OSBPL1A: variants seen among roughly 807,000 people sequenced by gnomAD.
OSBPL1A encodes the protein oxysterol binding protein like 1A.
OSBPL1A carries 80 observed loss-of-function variants against 137.1 expected under a neutral mutation model. The observed-to-expected ratio is 0.58, with a 90% CI of 0.49 to 0.70. The LOEUF is 0.70. OSBPL1A is among the 30% of genes least tolerant of loss of function. The probability of loss-of-function intolerance (pLI) is 0.00; values close to 1 mark genes in which losing one functional copy is unlikely to be tolerated. For missense variants in OSBPL1A, 970 were observed against 1,129.4 expected (o/e 0.86, Z 2.02); for synonymous variants, 365 against 389.7 (o/e 0.94, Z 0.75).
chr18:24,255,256 T>C (rs1203895096), intron 15 of OSBPL1A, among the ~76,000 whole-genome samples: 1 of 152,226 alleles, frequency 6.6e-6, no homozygotes, highest in Admixed American at 6.5e-5. Context: ...GCTTCACTGC[T>C]GAATTCTACC....
chr18:24,349,616 G>T (rs1361223246), intron 4 of OSBPL1A, among the ~76,000 whole-genome samples: 1 of 152,060 alleles, frequency 6.6e-6, no homozygotes, highest in Non-Finnish European at 1.5e-5. Context: ...AAAGGGGCTA[G>T]CCTCTTCCTG....
intron 15 of OSBPL1A, among the ~76,000 whole-genome samples, chr18:24,253,922 A>G (rs1041152670): frequency 1.3e-5 from 2 of 152,206 alleles, no homozygotes; most frequent in Admixed American, 1.3e-4. Context: ...CTAATTTGTT[A>G]GTCTTGCAAG....
intron 17 of OSBPL1A, among the ~76,000 whole-genome samples, chr18:24,197,058 C>T (rs1225532514): frequency 6.6e-6 from 1 of 152,136 alleles, no homozygotes; most frequent in Non-Finnish European, 1.5e-5. Flanking sequence ...GAAAGTTTTC[C>T]AGTTGCTGGC....
intron 17 of OSBPL1A, among the ~76,000 whole-genome samples, chr18:24,216,525 G>A (rs1039040294): frequency 1.3e-4 from 20 of 152,014 alleles, no homozygotes; most frequent in Non-Finnish European, 2.9e-4. Context: ...AAAAGAAAAA[G>A]GAAAACCATG....
chr18:24,329,656 A>G (rs950450606), intron 7 of OSBPL1A, among the ~76,000 whole-genome samples: 3 of 152,032 alleles, frequency 2.0e-5, no homozygotes, highest in Middle Eastern at 6.3e-3. Flanking sequence ...ATTACATATA[A>G]AATATATATT....
At chr18:24,293,420 T>C (rs2090224864) in intron 14 of OSBPL1A, among the ~76,000 whole-genome samples, 1 of 152,048 alleles carries the variant, frequency 6.6e-6, no homozygotes, top group Middle Eastern at 3.2e-3. Context: ...TCCGCAGGTC[T>C]CCCGACAGAG....
intron 12 of OSBPL1A, among the ~76,000 whole-genome samples, chr18:24,313,420 G>GAGT (rs2090662275): frequency 7.1e-6 from 1 of 140,214 alleles, no homozygotes. Flanking sequence ...AAGCCTGGGC[G>GAGT]GAAAAAAAAA....
chr18:24,376,623 A>G (rs1225360115), intron 2 of OSBPL1A, among the ~76,000 whole-genome samples: 1 of 152,164 alleles, frequency 6.6e-6, no homozygotes, highest in East Asian at 1.9e-4. Context: ...GGCGCTGTGG[A>G]GCAGGGGGCA....
intron 21 of OSBPL1A, among the ~76,000 whole-genome samples, chr18:24,174,104 C>A (rs2086364949): frequency 6.6e-6 from 1 of 152,230 alleles, no homozygotes; most frequent in Admixed American, 6.5e-5. Flanking sequence ...TATGGATATG[C>A]CACAGTTTGT....
intron 25 of OSBPL1A, 77 bp from the exon 26 acceptor site, chr18:24,166,779 G>A (rs987553492): frequency 2.8e-6 from 4 of 1,442,692 alleles, no homozygotes; most frequent in Admixed American, 2.1e-5. Flanking sequence ...AGTAGAAGAG[G>A]GTTGACTTGA....
At chr18:24,275,733 T>C (rs2089831164) in intron 15 of OSBPL1A, among the ~76,000 whole-genome samples, 1 of 151,804 alleles carries the variant, frequency 6.6e-6, no homozygotes, top group Non-Finnish European at 1.5e-5. Context: ...ACTCTCTTTT[T>C]TTTTTTTTTT....
intron 16 of OSBPL1A, among the ~76,000 whole-genome samples, chr18:24,238,395 C>T (rs953962778): frequency 6.6e-6 from 1 of 152,154 alleles, no homozygotes; most frequent in African/African-American, 2.4e-5. Flanking sequence ...ACACACCTGC[C>T]TCAAAAAATT....
At chr18:24,211,428 T>A (rs2087541217) in intron 17 of OSBPL1A, among the ~76,000 whole-genome samples, 1 of 152,140 alleles carries the variant, frequency 6.6e-6, no homozygotes, top group Non-Finnish European at 1.5e-5. Context: ...ATTTCTTACA[T>A]CAAGTAGTCT....
chr18:24,182,896 T>TA (rs1019682920), intron 18 of OSBPL1A, among the ~76,000 whole-genome samples: 1 of 151,460 alleles, frequency 6.6e-6, no homozygotes, highest in Non-Finnish European at 1.5e-5. Context: ...TGAGATGGAG[T>TA]CTCACTCTGT....
chr18:24,170,941 C>T (rs1035210282), intron 23 of OSBPL1A, among the ~76,000 whole-genome samples: 1 of 152,086 alleles, frequency 6.6e-6, no homozygotes, highest in Admixed American at 6.6e-5. Flanking sequence ...AGCCACTGTG[C>T]TCAACCAAAT....
chr18:24,311,319 A>T, intron 13 of OSBPL1A: 2 of 276,670 alleles, frequency 7.2e-6, no homozygotes, highest in African/African-American at 2.3e-5. Context: ...GTAATTATTC[A>T]GACTGAAACT....
chr18:24,320,230 G>T (rs999662271), intron 7 of OSBPL1A, among the ~76,000 whole-genome samples: 1 of 152,122 alleles, frequency 6.6e-6, no homozygotes, highest in Non-Finnish European at 1.5e-5. Context: ...AGGCACTGAG[G>T]ATTCAGCAGT....
intron 15 of OSBPL1A, among the ~76,000 whole-genome samples, chr18:24,249,855 C>T (rs1326372062): frequency 6.6e-6 from 1 of 152,168 alleles, no homozygotes; most frequent in Non-Finnish European, 1.5e-5. Flanking sequence ...AATTCCTAGG[C>T]AACTTCTAAT....
intron 15 of OSBPL1A, among the ~76,000 whole-genome samples, chr18:24,251,306 C>G (rs1225938451): frequency 6.6e-6 from 1 of 152,126 alleles, no homozygotes; most frequent in Non-Finnish European, 1.5e-5. Context: ...CCTTAAGACC[C>G]ATTGTGGTGC....
Sources: gnomAD v4.1 joint callset for allele counts (sites outside exome capture counted in the v4.1 genomes callset) on GRCh38, gnomAD v4.1.1 for gene constraint, MANE v1.5 for transcripts, NCBI Gene and HGNC (gene_info 2026-07-23, HGNC 2026-07-21) for gene names.